The following TRPV1 variants were observed in gnomAD, a reference collection of about 807,000 sequenced individuals.
TRPV1 encodes transient receptor potential cation channel subfamily V member 1, also known as OTRPC1.
A neutral mutation model predicts 82.3 loss-of-function variants in TRPV1; 82 were observed. The observed-to-expected ratio is 1.00, with a 90% CI of 0.83 to 1.20. The LOEUF is 1.20. TRPV1 is among the 50% of genes most tolerant of loss of function. The probability of loss-of-function intolerance (pLI) is 0.00; values close to 1 mark genes in which losing one functional copy is unlikely to be tolerated. For missense variants in TRPV1, 1,067 were observed against 1,096.8 expected (o/e 0.97, Z 0.38); for synonymous variants, 515 against 467.7 (o/e 1.10, Z -1.30).
chr17:3,578,725 T>C (rs961041487), intron 11 of TRPV1: 9 of 152,164 alleles, frequency 5.9e-5, no homozygotes, highest in African/African-American at 2.2e-4. Flanking sequence ...ATGCCTGCAC[T>C]CCTGTGTTTA....
Position 3,577,732 on chromosome 17 carries a change from C to G in TRPV1, c.1579G>C (p.Val527Leu). ...FLQSLFMLAT[V>L]VLYFSHLKEY... Reference sequence around the variant, plus strand: ...TTGAGGTGGCTGAAGTACAGCACCACGGTGGCCAGCATGAACAGTGACTGC... The same window carrying G: ...TTGAGGTGGCTGAAGTACAGCACCAGGGTGGCCAGCATGAACAGTGACTGC... The change falls in exon 12 of 17, where the codon GTG (valine) becomes CTG (leucine). Residue 527 changes from valine to leucine, a missense_variant. Val to Leu is a conservative substitution (Grantham distance 32). Coordinates refer to ENST00000572705, the MANE Select transcript of TRPV1 (RefSeq NM_080704.4). 6.3e-7 allele frequency: 1 copy of G among 1,593,188 alleles called. No homozygotes were observed. Among genetic ancestry groups the G allele is most frequent in the South Asian group, 1.1e-5 (1 of 87,474 alleles).
chr17:3,601,082 C>G (rs907667032), intron 2 of TRPV1, among the ~76,000 whole-genome samples: 1 of 151,900 alleles, frequency 6.6e-6, no homozygotes, highest in African/African-American at 2.4e-5. Flanking sequence ...TCCCCTCCCG[C>G]TCCCTGCAGC....
intron 9 of TRPV1, chr17:3,585,479 C>T (rs1167703615): frequency 1.4e-5 from 5 of 354,132 alleles, no homozygotes; most frequent in African/African-American, 1.0e-4. Context: ...GAGTACACCC[C>T]GTCTACAATC....
chr17:3,599,110 G>C (rs1450613658), intron 2 of TRPV1, among the ~76,000 whole-genome samples: 2 of 151,664 alleles, frequency 1.3e-5, no homozygotes, highest in African/African-American at 2.4e-5. Context: ...GTGGTTGTGG[G>C]CACCTGTAGT....
At chr17:3,597,673 T>TTC (rs2075231307) in intron 2 of TRPV1, among the ~76,000 whole-genome samples, 1 of 31,124 alleles carries the variant, frequency 3.2e-5, no homozygotes, top group African/African-American at 4.2e-4. Context: ...TGTCATTTCC[T>TTC]TTTTTTTTTT....
Position 3,590,401 on chromosome 17 carries a change from G to A in TRPV1, c.605-9C>T, listed in dbSNP as rs1001161785. ...GTGCAGTGCTGTCTGGCCTACAGAG[G>A]ACGCGCACGGTTGGCTTCGTGGTCA... On this transcript the variant is annotated splice_polypyrimidine_tract_variant and intron_variant, in intron 5 of 16. Coordinates refer to ENST00000572705, the MANE Select transcript of TRPV1 (RefSeq NM_080704.4). 2 of 1,612,408 alleles carry A rather than the reference G, an allele frequency of 1.2e-6. No homozygotes were observed. Among genetic ancestry groups the A allele is most frequent in the Non-Finnish European group, 1.7e-6 (2 of 1,179,158 alleles).
chr17:3,573,532 G>GCCCCACCCCC lies in TRPV1; in HGVS notation c.2103+100_2103+101insGGGGGTGGGG. The stretch of plus-strand genomic sequence containing the variant: ...GCCCATACCCTCCTGGCCACACACC[G>GCCCCACCCCC]CCCCCACCACCCACCCACCTGCAGC... On this transcript the variant is annotated intron_variant, in intron 14 of 16. Transcript: ENST00000572705. 2 of 257,076 alleles carry GCCCCACCCCC rather than the reference G, an allele frequency of 7.8e-6. 1 individual carries two copies. The highest frequency in any genetic ancestry group is 1.5e-5 in the Non-Finnish European group (2 of 130,288). 15.9% of individuals were successfully genotyped at this position (257,076 alleles called of 1,614,324 possible). A position where few individuals can be genotyped will look rare whatever the true frequency, so the allele number is the denominator to read the frequency against.
intron 14 of TRPV1, among the ~76,000 whole-genome samples, chr17:3,572,984 GAAAAAA>G (rs137909617): frequency 7.0e-5 from 5 of 71,258 alleles, no homozygotes; most frequent in East Asian, 4.6e-4. Context: ...CTCCATCTCA[GAAAAAA>G]AAAAAAAAAA....
Position 3,577,578 on chromosome 17 carries a change from C to A in TRPV1, c.1713+20G>T, listed in dbSNP as rs202111207. 3.2e-4 allele frequency: 507 copies of A among 1,564,140 alleles called. 3 individuals are homozygous for A. The African/African-American group carries it at 5.8e-3, about 18-fold the overall frequency. ...GGTAAGCGGGCTCTGAGGAGACCCACTGGGGCCCAGGGAACCCACCTTCTC... is the reference window on the plus strand; with the variant it reads ...GGTAAGCGGGCTCTGAGGAGACCCAATGGGGCCCAGGGAACCCACCTTCTC... On this transcript the variant is annotated intron_variant, in intron 12 of 16. Transcript: ENST00000572705.
rs753461488 is a variant in TRPV1, at chr17:3,573,939, A to G, written c.1797T>C (p.Ile599=). The stretch of plus-strand genomic sequence containing the variant: ...GCAGGGAGTCATTCTTCCCGTCTTC[A>G]ATCAGCGTCACCACCGCTACAGGGC... ...FGFSTAVVTL[I]EDGKNDSLPS... The change falls in exon 14 of 17, where the codon ATT becomes ATC. Residue 599 remains isoleucine (I), a synonymous_variant. Coordinates refer to ENST00000572705, the MANE Select transcript of TRPV1 (RefSeq NM_080704.4). 3.1e-6 allele frequency: 5 copies of G among 1,604,028 alleles called. No homozygotes were observed. Among genetic ancestry groups the G allele is most frequent in the Admixed American group, 1.7e-5 (1 of 57,322 alleles).
At chr17:3,572,518 G>A (rs1323634623) in intron 14 of TRPV1, among the ~76,000 whole-genome samples, 4 of 152,166 alleles carry the variant, frequency 2.6e-5, no homozygotes, top group Admixed American at 1.3e-4. Context: ...TGATACGGAG[G>A]CCCCAGACCC....
intron 2 of TRPV1, among the ~76,000 whole-genome samples, chr17:3,595,205 A>T (rs2075208236): frequency 6.6e-6 from 1 of 152,304 alleles, no homozygotes; most frequent in East Asian, 1.9e-4. Flanking sequence ...CAGGACTCGC[A>T]TTCCTTCACC....
chr17:3,568,368 C>T (rs930564811), intron 16 of TRPV1, among the ~76,000 whole-genome samples: 6 of 151,692 alleles, frequency 4.0e-5, no homozygotes, highest in East Asian at 1.9e-4. Flanking sequence ...TCAAATCACA[C>T]GCAAAGCTAT....
intron 10 of TRPV1, among the ~76,000 whole-genome samples, chr17:3,582,214 A>AAAAAAAAAAAAAAC: frequency 6.8e-6 from 1 of 146,060 alleles, no homozygotes; most frequent in Non-Finnish European, 1.5e-5. Context: ...AAAAAAAAAA[A>AAAAAAAAAAAAAAC]TCACAGTGGA....
At chr17:3,594,151 A>AGAAGC (rs1385829115) in intron 2 of TRPV1, among the ~76,000 whole-genome samples, 9 of 104,400 alleles carry the variant, frequency 8.6e-5, no homozygotes, top group Admixed American at 4.9e-4. Flanking sequence ...AAAAAAAAAA[A>AGAAGC]AGAAGCAGCA....
chr17:3,589,346 G>A (rs1401768996), intron 7 of TRPV1, among the ~76,000 whole-genome samples: 6 of 151,668 alleles, frequency 4.0e-5, no homozygotes, highest in Non-Finnish European at 8.8e-5. Flanking sequence ...AGCTGGAATT[G>A]TAGGCACCTG....
intron 2 of TRPV1, among the ~76,000 whole-genome samples, chr17:3,605,612 T>C (rs1366019425): frequency 6.6e-6 from 1 of 152,128 alleles, no homozygotes; most frequent in Non-Finnish European, 1.5e-5. Context: ...TTAGTAACCA[T>C]GGATGGAAAC....
rs1298497438 is a variant in TRPV1, at chr17:3,577,632, T to A, written c.1679A>T (p.Gln560Leu). The A allele has an allele frequency of 1.3e-5, 21 of 1,583,778 alleles. No homozygotes were observed. The highest frequency in any genetic ancestry group is 1.7e-5 in the Non-Finnish European group (20 of 1,165,348). The change falls in exon 12 of 17, where the codon CAG becomes CTG. Residue 560 changes from glutamine to leucine, a missense_variant. Physicochemically the swap from Gln to Leu is moderately radical, Grantham distance 113. Transcript: ENST00000572705. The part of the protein sequence containing the change: ...TNMLYYTRGF[Q>L]QMGIYAVMIE... ...CATGACGGCATAGATGCCCATCTGC[T>A]GGAAACCGCGGGTGTAGTAGAGCAT...
Position 3,566,564 on chromosome 17 carries a change from T to G in TRPV1, c.*251A>C. 2.3e-6 allele frequency: 1 copy of G among 434,020 alleles called. No individual in the cohort carries two copies. The highest frequency in any genetic ancestry group is 4.1e-6 in the Non-Finnish European group (1 of 244,248). 26.9% of individuals were successfully genotyped at this position (434,020 alleles called of 1,614,324 possible). A position where few individuals can be genotyped will look rare whatever the true frequency, so the allele number is the denominator to read the frequency against. On this transcript the variant is annotated 3_prime_UTR_variant, in exon 17 of 17. Transcript: ENST00000572705. ...CAGTAGAGACTGACCATCCAAACTGTTTAGTAAAGTGAGTAAAAACCTGAA... is the reference window on the plus strand; with the variant it reads ...CAGTAGAGACTGACCATCCAAACTGGTTAGTAAAGTGAGTAAAAACCTGAA...
Sources: gnomAD v4.1 joint callset for allele counts (sites outside exome capture counted in the v4.1 genomes callset) on GRCh38, gnomAD v4.1.1 for gene constraint, MANE v1.5 for transcripts, NCBI Gene and HGNC (gene_info 2026-07-23, HGNC 2026-07-21) for gene names.